COL24A1: variants seen among roughly 807,000 people sequenced by gnomAD.
The protein encoded by COL24A1 is collagen alpha-1(XXIV) chain.
In COL24A1, 224 loss-of-function variants were observed where a neutral mutation model predicts 253.9. The ratio of observed to expected loss-of-function variants is 0.88; its 90% CI spans 0.79 to 0.99. The LOEUF is 0.99. Ranked by LOEUF, COL24A1 falls within the 50% of genes least tolerant of loss-of-function variation. The pLI is 0.00. For missense variants in COL24A1, 2,131 were observed against 2,068.5 expected (o/e 1.03, Z -0.59); for synonymous variants, 685 against 673.7 (o/e 1.02, Z -0.26).
At chr1:85,804,626 C>T (rs552137777) in intron 47 of COL24A1, among the ~76,000 whole-genome samples, 1 of 152,136 alleles carries the variant, frequency 6.6e-6, no homozygotes, top group African/African-American at 2.4e-5. Context: ...AAAAAGAGAG[C>T]TTGTGCAGGG....
chr1:85,748,246 G>A (rs1665491364), intron 55 of COL24A1, among the ~76,000 whole-genome samples: 1 of 152,216 alleles, frequency 6.6e-6, no homozygotes, highest in East Asian at 1.9e-4. Flanking sequence ...AATAATGCTG[G>A]TAGTCTGTCA....
At chr1:85,993,333 A>G (rs1694464209) in intron 19 of COL24A1, among the ~76,000 whole-genome samples, 1 of 152,090 alleles carries the variant, frequency 6.6e-6, no homozygotes, top group South Asian at 2.1e-4. Context: ...AAGTGGATAA[A>G]CTTATACACA....
At chr1:85,980,776 G>A (rs969600251) in intron 20 of COL24A1, among the ~76,000 whole-genome samples, 4 of 152,112 alleles carry the variant, frequency 2.6e-5, no homozygotes, top group Non-Finnish European at 5.9e-5. Context: ...AGGCATGGTG[G>A]TGGGCACCTG....
At chr1:85,945,016 T>TTTTTTTTG in intron 24 of COL24A1, among the ~76,000 whole-genome samples, 1 of 89,628 alleles carries the variant, frequency 1.1e-5, no homozygotes, top group African/African-American at 4.2e-5. Context: ...TTTTTTTTTT[T>TTTTTTTTG]TTTTTTTTTT....
intron 1 of COL24A1, among the ~76,000 whole-genome samples, chr1:86,148,585 T>TG (rs1242560085): frequency 1.3e-5 from 2 of 149,696 alleles, no homozygotes; most frequent in African/African-American, 4.9e-5. Context: ...CACCTATGAG[T>TG]GAGAATATGC....
At chr1:85,848,679 C>T (rs1303250426) in intron 38 of COL24A1, among the ~76,000 whole-genome samples, 1 of 152,090 alleles carries the variant, frequency 6.6e-6, no homozygotes, top group African/African-American at 2.4e-5. Context: ...TCTTCATTTT[C>T]CTAAGTGAGA....
At chr1:85,838,538 G>A in intron 43 of COL24A1, 47 bp downstream of exon 43, 1 of 1,520,996 alleles carries the variant, frequency 6.6e-7, no homozygotes, top group Non-Finnish European at 9.1e-7. Context: ...TAGAAACACA[G>A]AGAACCCTAT....
chr1:86,134,373 T>C (rs1022657535), intron 2 of COL24A1, among the ~76,000 whole-genome samples: 1 of 152,048 alleles, frequency 6.6e-6, no homozygotes, highest in Non-Finnish European at 1.5e-5. Context: ...ATCTTAGTTA[T>C]TTCTTGCTTT....
chr1:86,131,561 T>C (rs1193786695), intron 2 of COL24A1, among the ~76,000 whole-genome samples: 3 of 141,582 alleles, frequency 2.1e-5, no homozygotes, highest in Non-Finnish European at 4.6e-5. Flanking sequence ...CCTTCCTGTG[T>C]TCATGTGTTC....
At chr1:85,924,670 T>A (rs147371078) in intron 24 of COL24A1, among the ~76,000 whole-genome samples, 3,646 of 152,254 alleles carry the variant, frequency 0.024, 59 homozygotes, top group Non-Finnish European at 0.037. Context: ...GGAACATATC[T>A]CAAAATAATA....
chr1:85,885,376 T>A (rs1257478839), intron 32 of COL24A1, among the ~76,000 whole-genome samples: 2 of 106,688 alleles, frequency 1.9e-5, no homozygotes, highest in Admixed American at 1.2e-4. Flanking sequence ...AATTTTTGTG[T>A]GTATATATAT....
intron 23 of COL24A1, among the ~76,000 whole-genome samples, chr1:85,961,966 T>G (rs1232977380): frequency 2.0e-5 from 3 of 152,188 alleles, no homozygotes; most frequent in Non-Finnish European, 2.9e-5. Context: ...CCATATCAGG[T>G]AATAATCTAT....
At chr1:85,825,554 T>G (rs932492406) in intron 43 of COL24A1, among the ~76,000 whole-genome samples, 1 of 151,816 alleles carries the variant, frequency 6.6e-6, no homozygotes, top group Non-Finnish European at 1.5e-5. Context: ...TGTAAAAGTG[T>G]TCCTATTTCT....
chr1:85,961,051 A>G (rs898875297), intron 24 of COL24A1, among the ~76,000 whole-genome samples, 198 bp downstream of exon 24: 1 of 152,120 alleles, frequency 6.6e-6, no homozygotes, highest in Non-Finnish European at 1.5e-5. Context: ...AATGTCATCA[A>G]TTGTGTTTTC....
At position 86,146,127 on chromosome 1, in the gene COL24A1, T is replaced by C. The variant is rs566048476; in HGVS notation, c.113A>G (p.Gln38Arg). 10 of 1,611,000 alleles carry C rather than the reference T, an allele frequency of 6.2e-6. No homozygotes were observed. In the African/African-American group the frequency reaches 1.2e-4, roughly 19 times the overall value. ...AAAGGTAATTTTCTTACCTTGTTCT[T>C]GTGCATGAACAACCACCCCAGCCAC... ...LCVAGVVVHA[Q>R]EQGIDILHQL... The change falls in exon 2 of 60, where the codon CAA (glutamine) becomes CGA (arginine). Residue 38 changes from glutamine to arginine, a missense_variant. Coordinates refer to ENST00000370571, the MANE Select transcript of COL24A1 (RefSeq NM_152890.7).
At chr1:86,083,307 T>A (rs541115665) in intron 7 of COL24A1, among the ~76,000 whole-genome samples, 2 of 151,142 alleles carry the variant, frequency 1.3e-5, no homozygotes, top group African/African-American at 4.8e-5. Flanking sequence ...CAAAAAAATA[T>A]ATATATATAA....
intron 24 of COL24A1, among the ~76,000 whole-genome samples, chr1:85,927,320 G>A (rs575143197): frequency 1.7e-4 from 26 of 152,202 alleles, no homozygotes; most frequent in South Asian, 8.3e-4. Context: ...AAGGGGTGAC[G>A]GACGGCACCT....
At chr1:85,797,161 C>T (rs114879003) in intron 47 of COL24A1, among the ~76,000 whole-genome samples, 3,082 of 142,088 alleles carry the variant, frequency 0.022, 112 homozygotes, top group African/African-American at 0.076. Context: ...GAGCTGAGAT[C>T]GCAACTACTG....
At position 86,027,867 on chromosome 1, in the gene COL24A1, G is replaced by C. The variant is rs2101452096; in HGVS notation, c.2049+4011C>G. Reference sequence around the variant, plus strand: ...AGACCATGAAGGCAGCTGGGTGGGGGTCTTTACCCTTTAAAGCTACAGGGT... The same window carrying C: ...AGACCATGAAGGCAGCTGGGTGGGGCTCTTTACCCTTTAAAGCTACAGGGT... On this transcript the variant is annotated intron_variant, in intron 14 of 59. Transcript: ENST00000370571. Among the ~76,000 whole-genome samples, 4 of 152,290 alleles carry C rather than the reference G, an allele frequency of 2.6e-5. No individual in the cohort carries two copies. In the South Asian group the frequency reaches 8.3e-4, roughly 32 times the overall value.
Sources: gnomAD v4.1 joint callset for allele counts (sites outside exome capture counted in the v4.1 genomes callset) on GRCh38, gnomAD v4.1.1 for gene constraint, MANE v1.5 for transcripts, NCBI Gene and HGNC (gene_info 2026-07-23, HGNC 2026-07-21) for gene names.